KLRD1: variants seen among roughly 807,000 people sequenced by gnomAD.
KLRD1 encodes killer cell lectin like receptor D1.
A neutral mutation model predicts 22.6 loss-of-function variants in KLRD1; 21 were observed. The ratio of observed to expected loss-of-function variants is 0.93; its 90% CI spans 0.66 to 1.34. The LOEUF is 1.34. Among genes scored for constraint, KLRD1 ranks in the 40% most tolerant of loss-of-function variants. The pLI is 0.00. For synonymous variants in KLRD1, 59 were observed against 71.1 expected (o/e 0.83, Z 0.85); for missense variants, 183 against 208.6 (o/e 0.88, Z 0.76).
intron 1 of KLRD1, among the ~76,000 whole-genome samples, chr12:10,244,039 C>T (rs917684033): frequency 1.6e-4 from 25 of 152,196 alleles, no homozygotes; most frequent in African/African-American, 6.0e-4. Flanking sequence ...GTGAGCAGTT[C>T]GTGGGCTTCC....
At position 10,309,480 on chromosome 12, in the gene KLRD1, T is replaced by C. The variant is rs200782206; in HGVS notation, c.100T>C (p.Ser34Pro). 2.7e-6 allele frequency: 4 copies of C among 1,466,952 alleles called. No individual in the cohort carries two copies. In the East Asian group the frequency reaches 6.8e-5, roughly 25 times the overall value. 90.9% of individuals were successfully genotyped at this position (1,466,952 alleles called of 1,614,324 possible). A position where few individuals can be genotyped will look rare whatever the true frequency, so the allele number is the denominator to read the frequency against. ...MSTLGILLKN[S>P]FTKLSIEPAF... is the part of the protein sequence containing the mutation. ...TACGTTGGGAATTTTGTTGAAAAAT[T>C]GTAAGTTTTTCTAAGCAAGTCTCCA... Residue 34 changes from serine (S) to proline (P), a missense_variant and splice_region_variant, in exon 2 of 6, where the codon TCT becomes CCT. Transcript: ENST00000336164.
intron 1 of KLRD1, among the ~76,000 whole-genome samples, chr12:10,258,634 C>A (rs1439060205): frequency 1.3e-5 from 2 of 152,120 alleles, no homozygotes; most frequent in African/African-American, 2.4e-5. Context: ...GAAGAATCAA[C>A]CACCACTAAG....
chr12:10,252,112 A>G (rs1243773181), intron 1 of KLRD1, among the ~76,000 whole-genome samples: 1 of 152,134 alleles, frequency 6.6e-6, no homozygotes, highest in Non-Finnish European at 1.5e-5. Flanking sequence ...TGCTTATTGA[A>G]GTGGATAATC....
intron 3 of KLRD1, among the ~76,000 whole-genome samples, chr12:10,310,159 T>C (rs1021746958): frequency 6.6e-6 from 1 of 152,262 alleles, no homozygotes; most frequent in Non-Finnish European, 1.5e-5. Context: ...TCGTCCAGGC[T>C]GGAGTGCAGT....
intron 1 of KLRD1, among the ~76,000 whole-genome samples, chr12:10,253,449 T>C (rs1334793898): frequency 2.0e-5 from 3 of 152,158 alleles, no homozygotes; most frequent in African/African-American, 7.2e-5. Context: ...TGGGGCTACC[T>C]GTGAAGGTTT....
Position 10,309,493 on chromosome 12 carries a change from A to G in KLRD1, c.100+13A>G, listed in dbSNP as rs1359059925. 2.9e-6 allele frequency: 4 copies of G among 1,387,266 alleles called. No homozygotes were observed. The South Asian group carries it at 4.6e-5, about 16-fold the overall frequency. The allele number at this position is 1,387,266 out of a possible 1,614,324, so 85.9% of individuals were successfully genotyped here. Reference sequence around the variant, plus strand: ...TTGTTGAAAAATTGTAAGTTTTTCTAAGCAAGTCTCCATAAAAATCAAAAC... The same window carrying G: ...TTGTTGAAAAATTGTAAGTTTTTCTGAGCAAGTCTCCATAAAAATCAAAAC... On this transcript the variant is annotated intron_variant, in intron 2 of 5. Transcript: ENST00000336164.
At chr12:10,265,275 CAT>C in intron 1 of KLRD1, among the ~76,000 whole-genome samples, 1 of 152,166 alleles carries the variant, frequency 6.6e-6, no homozygotes, top group Non-Finnish European at 1.5e-5. Context: ...TACACAGAGA[CAT>C]ATGACTTTAT....
chr12:10,299,007 CA>C (rs1276978083), intron 1 of KLRD1, among the ~76,000 whole-genome samples: 1 of 152,140 alleles, frequency 6.6e-6, no homozygotes, highest in Non-Finnish European at 1.5e-5. Context: ...GGTCCTGCCC[CA>C]AGGGGAAATG....
At chr12:10,306,873 G>T (rs1362724075), upstream of KLRD1, among the ~76,000 whole-genome samples, 1 of 152,024 alleles carries the variant, frequency 6.6e-6, no homozygotes, top group African/African-American at 2.4e-5. Flanking sequence ...ATTTTTTTCT[G>T]TTGTTGGTTG....
chr12:10,282,464 T>G (rs1464662750), intron 1 of KLRD1, among the ~76,000 whole-genome samples: 1 of 151,986 alleles, frequency 6.6e-6, no homozygotes, highest in African/African-American at 2.4e-5. Context: ...TCCATGTTGG[T>G]CAGGCTGATC....
intron 4 of KLRD1, among the ~76,000 whole-genome samples, chr12:10,312,799 A>G (rs1950119715): frequency 6.6e-6 from 1 of 150,766 alleles, no homozygotes; most frequent in South Asian, 2.1e-4. Context: ...CATCCTGGCT[A>G]ACACGGTGAA....
intron 1 of KLRD1, among the ~76,000 whole-genome samples, chr12:10,240,899 A>C (rs1463167080): frequency 2.0e-5 from 3 of 152,140 alleles, no homozygotes; most frequent in Admixed American, 2.0e-4. Context: ...TTTGTCTTTT[A>C]GGGTTTTCCA....
chr12:10,311,132 G>A (rs1042900435), intron 3 of KLRD1, among the ~76,000 whole-genome samples: 1 of 151,990 alleles, frequency 6.6e-6, no homozygotes, highest in South Asian at 2.1e-4. Context: ...TCAAAAAAAG[G>A]TTCTTGTAAC....
At chr12:10,252,874 A>C (rs942845051) in intron 1 of KLRD1, among the ~76,000 whole-genome samples, 2 of 150,756 alleles carry the variant, frequency 1.3e-5, no homozygotes, top group Non-Finnish European at 2.9e-5. Flanking sequence ...CAGTGGTGTG[A>C]GTTGTGACTT....
rs184743032 is a variant in KLRD1, at chr12:10,288,483, C to A, written c.-100-19495C>A. ...GCAAAATGACTCTCTAGATTTTAAT[C>A]CGTTAGAGGTAGAGGTAGACAAAGG... On this transcript the variant is annotated intron_variant, in intron 1 of 5. Transcript: ENST00000544747. Among the ~76,000 whole-genome samples, 155 of 152,124 alleles carry A rather than the reference C, an allele frequency of 1.0e-3. 2 individuals carry two copies. Among genetic ancestry groups the A allele is most frequent in the Non-Finnish European group, 5.4e-4 (37 of 67,996 alleles).
chr12:10,273,166 A>G lies in KLRD1; in HGVS notation c.-100-34812A>G, dbSNP rs939953583. Among the ~76,000 whole-genome samples, 18 of 152,316 alleles carry G rather than the reference A, an allele frequency of 1.2e-4. No homozygotes were observed. In the Middle Eastern group the frequency reaches 0.01, roughly 87 times the overall value. ...AACTGTCAAATTAAATAATGAAAAC[A>G]ATTAGTACTTATTTCTATAATAAAA... On this transcript the variant is annotated intron_variant, in intron 1 of 5. Transcript: ENST00000544747.
At position 10,273,316 on chromosome 12, in the gene KLRD1, G is replaced by T. The variant is rs539458313; in HGVS notation, c.-100-34662G>T. ...GTATAACTTTATATTTTGGTAGAAA[G>T]AATTCTATAATTATATGTGTGTTTG... On this transcript the variant is annotated intron_variant, in intron 1 of 5. Coordinates refer to the KLRD1 transcript ENST00000544747. Among the ~76,000 whole-genome samples the T allele has an allele frequency of 3.3e-5, 5 of 152,122 alleles. No homozygotes were observed. The South Asian group carries it at 1.0e-3, about 32-fold the overall frequency.
chr12:10,240,036 T>G (rs929058305), intron 1 of KLRD1, among the ~76,000 whole-genome samples: 2 of 151,796 alleles, frequency 1.3e-5, no homozygotes, highest in African/African-American at 4.8e-5. Context: ...ATTGTCAAGG[T>G]GTTCCGGGAT....
chr12:10,249,859 T>TC (rs1488066051), intron 1 of KLRD1, among the ~76,000 whole-genome samples: 2 of 152,158 alleles, frequency 1.3e-5, no homozygotes, highest in Non-Finnish European at 2.9e-5. Flanking sequence ...GGTGGTAGTG[T>TC]CCCATGGTGG....
Sources: allele counts gnomAD v4.1 joint callset (sites outside exome capture counted in the v4.1 genomes callset), GRCh38; gene constraint gnomAD v4.1.1; transcripts MANE v1.5; gene names NCBI Gene and HGNC (gene_info 2026-07-23, HGNC 2026-07-21).